GINS1: variants seen among roughly 807,000 people sequenced by gnomAD.
The protein encoded by GINS1 is DNA replication complex GINS protein PSF1.
GINS1 carries 26 observed loss-of-function variants against 34.9 expected under a neutral mutation model. That is an observed-to-expected ratio of 0.74 (90% confidence interval 0.55 to 1.03). The LOEUF (loss-of-function observed/expected upper bound fraction) is 1.03. Among genes scored for constraint, GINS1 ranks in the 50% least tolerant of loss-of-function variants. The pLI, the probability that GINS1 is intolerant of heterozygous loss-of-function variation, is 0.00. For missense variants in GINS1, 235 were observed against 237.9 expected (o/e 0.99, Z 0.08); for synonymous variants, 97 against 84.4 (o/e 1.15, Z -0.82).
chr20:25,428,816 C>G (rs2090408507), intron 5 of GINS1, among the ~76,000 whole-genome samples: 1 of 151,950 alleles, frequency 6.6e-6, no homozygotes, highest in Non-Finnish European at 1.5e-5. Context: ...ATCTCTTTAT[C>G]CTATTCCATT....
chr20:25,421,201 T>C (rs528142177), intron 4 of GINS1, among the ~76,000 whole-genome samples: 4 of 152,250 alleles, frequency 2.6e-5, no homozygotes, highest in Admixed American at 1.3e-4. Context: ...AAAATAATAA[T>C]AGTAGTTACA....
At chr20:25,431,291 C>T (rs1394856073) in intron 5 of GINS1, among the ~76,000 whole-genome samples, 1 of 152,038 alleles carries the variant, frequency 6.6e-6, no homozygotes, top group Admixed American at 6.6e-5. Flanking sequence ...TTTGAGCCTT[C>T]TTTTATTCTT....
intron 2 of GINS1, among the ~76,000 whole-genome samples, chr20:25,415,974 C>T (rs558418284): frequency 6.6e-6 from 1 of 152,096 alleles, no homozygotes; most frequent in African/African-American, 2.4e-5. Context: ...ATGCAAAAGC[C>T]CCTGAATCAT....
intron 5 of GINS1, among the ~76,000 whole-genome samples, chr20:25,440,601 A>T (rs543424801): frequency 6.6e-6 from 1 of 152,086 alleles, no homozygotes; most frequent in East Asian, 1.9e-4. Context: ...ACTTGAGGTC[A>T]GGAGTTCGAA....
chr20:25,418,178 C>A lies in GINS1; in HGVS notation c.313C>A (p.His105Asn). 1 of 1,574,918 alleles carries A rather than the reference C, an allele frequency of 6.3e-7. No individual in the cohort carries two copies. The highest frequency in any genetic ancestry group is 8.7e-7 in the Non-Finnish European group (1 of 1,143,900). ...CGTCTTGCCAAATGCATTACGATTTCACATGGCTGCTGAAGAAGTGAGTTA... is the reference window on the plus strand; with the variant it reads ...CGTCTTGCCAAATGCATTACGATTTAACATGGCTGCTGAAGAAGTGAGTTA... Reference protein sequence around the residue: ...GSVLPNALRFHMAAEEMEWFN... With the variant: ...GSVLPNALRFNMAAEEMEWFN... Residue 105 changes from histidine (H) to asparagine (N), a missense_variant, in exon 4 of 7, where the codon CAC (histidine) becomes AAC (asparagine). Coordinates refer to ENST00000262460, the MANE Select transcript of GINS1 (RefSeq NM_021067.5).
At position 25,407,676 on chromosome 20, in the gene GINS1, C is replaced by T. The variant is rs2090253680; in HGVS notation, c.-145C>T. The T allele has an allele frequency of 7.4e-6, 5 of 680,166 alleles. No individual in the cohort carries two copies. The highest frequency in any genetic ancestry group is 7.2e-5 in the African/African-American group (4 of 55,352). 42.1% of individuals were successfully genotyped at this position (680,166 alleles called of 1,614,324 possible). On this transcript the variant is annotated 5_prime_UTR_variant, in exon 1 of 7. Transcript: ENST00000262460. ...CGCGTTCCTATTGGCTAGCTTTGTTCGGCGCCAAAGCGCGGAGCGGAGGCC... is the reference window on the plus strand; with the variant it reads ...CGCGTTCCTATTGGCTAGCTTTGTTTGGCGCCAAAGCGCGGAGCGGAGGCC...
intron 1 of GINS1, among the ~76,000 whole-genome samples, chr20:25,413,021 A>G (rs2090296024): frequency 6.6e-6 from 1 of 150,570 alleles, no homozygotes; most frequent in Non-Finnish European, 1.5e-5. Flanking sequence ...CGTATTTCAG[A>G]TTATCCTCAT....
In GINS1 at chr20:25,448,112, C is replaced by T. The variant is rs2090522746; in HGVS notation, c.*2121C>T. The stretch of plus-strand genomic sequence containing the variant: ...CACCACTGTACTCCAGCCTGGGTGA[C>T]AAAGTGAGACTCTATCTCAAAAAGA... On this transcript the variant is annotated 3_prime_UTR_variant, in exon 7 of 7. Coordinates refer to ENST00000262460, the MANE Select transcript of GINS1 (RefSeq NM_021067.5). 6.6e-6 allele frequency: 1 copy of T among 152,152 alleles called. No homozygotes were observed. The highest frequency in any genetic ancestry group is 1.5e-5 in the Non-Finnish European group (1 of 68,034). 9.4% of individuals were successfully genotyped at this position (152,152 alleles called of 1,614,324 possible).
intron 1 of GINS1, among the ~76,000 whole-genome samples, chr20:25,410,796 C>T (rs2090279820): frequency 6.6e-6 from 1 of 152,054 alleles, no homozygotes; most frequent in Admixed American, 6.6e-5. Context: ...CTCCTGACCT[C>T]AGGCGATCCA....
At chr20:25,413,929 C>T (rs1299561327) in intron 2 of GINS1, 75 bp downstream of exon 2, 23 of 838,858 alleles carry the variant, frequency 2.7e-5, no homozygotes, top group Admixed American at 1.1e-4. Flanking sequence ...CGGTGGCTCA[C>T]GCCTGTAATC....
chr20:25,423,619 T>C (rs1248329776), intron 4 of GINS1, among the ~76,000 whole-genome samples: 1 of 80,244 alleles, frequency 1.2e-5, no homozygotes, highest in African/African-American at 6.2e-5. Context: ...TCTCTTTTTT[T>C]TTTTTTTTTT....
intron 4 of GINS1, among the ~76,000 whole-genome samples, chr20:25,424,560 A>G (rs2090379633): frequency 6.6e-6 from 1 of 152,166 alleles, no homozygotes; most frequent in South Asian, 2.1e-4. Flanking sequence ...ATCCAATACC[A>G]CATTCTTATT....
At chr20:25,445,440 G>T (rs2090506380) in intron 6 of GINS1, among the ~76,000 whole-genome samples, 1 of 150,116 alleles carries the variant, frequency 6.7e-6, no homozygotes, top group African/African-American at 2.5e-5. Context: ...TCTGCCTCCC[G>T]GGTTCACGCC....
At chr20:25,407,969 C>A in intron 1 of GINS1, 74 bp downstream of exon 1, 1 of 1,121,814 alleles carries the variant, frequency 8.9e-7, no homozygotes, top group Non-Finnish European at 1.3e-6. Flanking sequence ...GGCTCCCCGT[C>A]AGGGTTCACT....
intron 4 of GINS1, among the ~76,000 whole-genome samples, chr20:25,424,213 A>G (rs973307337): frequency 7.9e-5 from 12 of 152,176 alleles, no homozygotes; most frequent in African/African-American, 2.7e-4. Context: ...CTGTAACTAT[A>G]TAGTATAGTT....
intron 6 of GINS1, 78 bp downstream of exon 6, chr20:25,441,854 T>C: frequency 1.4e-6 from 1 of 727,870 alleles, no homozygotes; most frequent in Non-Finnish European, 2.4e-6. Flanking sequence ...GCAAAATAAA[T>C]ATCAACTTTT....
At chr20:25,419,619 G>A (rs2090342737) in intron 4 of GINS1, 3 of 838,660 alleles carry the variant, frequency 3.6e-6, no homozygotes, top group African/African-American at 1.9e-5. Flanking sequence ...TTTCTCTAAC[G>A]ACAGTAGCTT....
Position 25,429,041 on chromosome 20 carries a change from T to C in GINS1, c.447+3714T>C, listed in dbSNP as rs529830107. Among the ~76,000 whole-genome samples, 150 of 137,926 alleles carry C rather than the reference T, an allele frequency of 1.1e-3. 1 individual carries two copies. The highest frequency in any genetic ancestry group is 4.0e-3 in the African/African-American group (147 of 36,896). 90.5% of individuals were successfully genotyped at this position (137,926 alleles called of 152,430 possible). A position where few individuals can be genotyped will look rare whatever the true frequency, so the allele number is the denominator to read the frequency against. On this transcript the variant is annotated intron_variant, in intron 5 of 6. Coordinates refer to ENST00000262460, the MANE Select transcript of GINS1 (RefSeq NM_021067.5). ...TCTTGCTCTGTCGCCCAGGCTGGAG[T>C]ACAGTGGTGCACTCTTGGCTCACTG... is the stretch of plus-strand genomic sequence containing the variant.
chr20:25,438,760 G>A (rs1443709508), intron 5 of GINS1, among the ~76,000 whole-genome samples: 2 of 151,866 alleles, frequency 1.3e-5, no homozygotes, highest in African/African-American at 2.4e-5. Flanking sequence ...TTTTTGTACC[G>A]ATGGTATTTC....
Sources: gnomAD v4.1 joint callset for allele counts (sites outside exome capture counted in the v4.1 genomes callset) on GRCh38, gnomAD v4.1.1 for gene constraint, MANE v1.5 for transcripts, NCBI Gene and HGNC (gene_info 2026-07-23, HGNC 2026-07-21) for gene names.